Variants in ZFAT observed in about 807,000 individuals in gnomAD.
The protein encoded by ZFAT is zinc finger and AT-hook domain containing, also known as zinc finger protein ZFAT.
In ZFAT, 64 loss-of-function variants were observed where a neutral mutation model predicts 117.7. The observed-to-expected ratio is 0.54, with a 90% CI of 0.44 to 0.67. The LOEUF is 0.67. Among genes scored for constraint, ZFAT ranks in the 30% least tolerant of loss-of-function variants. ZFAT has a pLI of 0.00. For missense variants in ZFAT, 1,433 were observed against 1,584.5 expected, an observed-to-expected ratio of 0.90 and a Z score of 1.62; for synonymous variants, 679 against 615.0, an observed-to-expected ratio of 1.10 and a Z score of -1.54.
At chr8:134,592,790 C>T (rs1024801957) in intron 7 of ZFAT, among the ~76,000 whole-genome samples, 14 of 152,122 alleles carry the variant, frequency 9.2e-5, no homozygotes, top group Admixed American at 9.2e-4. Flanking sequence ...CTTTGGTGTT[C>T]CCCAGCGTAC....
chr8:134,493,514 G>C (rs1387168366), intron 15 of ZFAT, among the ~76,000 whole-genome samples: 1 of 152,256 alleles, frequency 6.6e-6, no homozygotes. Context: ...TGTCTCGGCA[G>C]TCTAGGCATT....
chr8:134,744,445 G>A, the ZFAT span, among the ~76,000 whole-genome samples: 9 of 151,802 alleles, frequency 5.9e-5, no homozygotes, highest in Non-Finnish European at 1.2e-4. Flanking sequence ...ACAGGCACCC[G>A]CCACCATGCC....
the ZFAT span, among the ~76,000 whole-genome samples, chr8:134,804,710 T>C: frequency 6.6e-6 from 1 of 152,168 alleles, no homozygotes; most frequent in African/African-American, 2.4e-5. Flanking sequence ...AGACGGCATA[T>C]CCTGTTATTA....
the ZFAT span, among the ~76,000 whole-genome samples, chr8:134,773,984 A>ATTTTTTTTTTTTTTT: frequency 2.2e-4 from 23 of 103,292 alleles, no homozygotes; most frequent in African/African-American, 8.2e-4. Flanking sequence ...TTGAGGATTA[A>ATTTTTTTTTTTTTTT]TTTTTTTTTT....
chr8:134,760,723 G>A, the ZFAT span, among the ~76,000 whole-genome samples: 4 of 152,234 alleles, frequency 2.6e-5, no homozygotes, highest in African/African-American at 9.6e-5. Flanking sequence ...TGTTTTATGT[G>A]TGCAGCATTG....
chr8:134,607,011 G>A (rs565917740), intron 5 of ZFAT, among the ~76,000 whole-genome samples: 27 of 151,966 alleles, frequency 1.8e-4, no homozygotes, highest in African/African-American at 2.4e-4. Context: ...AAATCCTTAC[G>A]CAAAAACATC....
intron 3 of ZFAT, among the ~76,000 whole-genome samples, chr8:134,630,638 T>C (rs1211801978): frequency 6.6e-6 from 1 of 152,210 alleles, no homozygotes; most frequent in Non-Finnish European, 1.5e-5. Flanking sequence ...AAGTCACTTT[T>C]ATAAATTTGA....
chr8:134,746,002 G>A, the ZFAT span, among the ~76,000 whole-genome samples: 1 of 152,124 alleles, frequency 6.6e-6, no homozygotes, highest in Non-Finnish European at 1.5e-5. Flanking sequence ...TGCTCTTCCT[G>A]CTCTCTGGGA....
rs537017092 is a variant in ZFAT, at chr8:134,516,946, T to C, written c.3234+3937A>G. On this transcript the variant is annotated intron_variant, in intron 13 of 15. Transcript: ENST00000377838. ...AAAATAAAGAGTTGATTCTCTAACA[T>C]TCTACAAAGGTGACTGAATTGTTTT... Among the ~76,000 whole-genome samples, 19 of 152,340 alleles carry C rather than the reference T, an allele frequency of 1.2e-4. No individual in the cohort carries two copies. In the South Asian group the frequency reaches 3.7e-3, roughly 30 times the overall value.
intron 12 of ZFAT, among the ~76,000 whole-genome samples, chr8:134,525,434 G>A (rs1820956130): frequency 6.6e-6 from 1 of 152,150 alleles, no homozygotes; most frequent in African/African-American, 2.4e-5. Context: ...TGCTCATTAG[G>A]GTACTCGGGA....
intron 3 of ZFAT, among the ~76,000 whole-genome samples, chr8:134,613,648 CT>C (rs1828512486): frequency 6.6e-6 from 1 of 152,210 alleles, no homozygotes; most frequent in Admixed American, 6.5e-5. Flanking sequence ...CCACCTCCCA[CT>C]CCAGGAACTT....
chr8:134,478,566 C>G lies in ZFAT; in HGVS notation c.3648G>C (p.Glu1216Asp). ...GCACGTAGACGATGAACTCCGAGGC[C>G]TCCCCGCCCTGCGTGTAGACAGTCA... ...ETVTVYTQGG[E>D]ASEFIVYVQE... Residue 1216 changes from glutamate (E) to aspartate (D), a missense_variant, in exon 16 of 16, where the codon GAG becomes GAC. Around this residue, in one of 5 missense-constraint regions of ZFAT, gnomAD observed 503 missense variants for 543.4 expected, o/e 0.93. Coordinates refer to ENST00000377838, the MANE Select transcript of ZFAT (RefSeq NM_020863.4). The surrounding 1 kb of genome is among the most constrained non-coding windows in gnomAD (Gnocchi z 5.2). The G allele has an allele frequency of 6.3e-7, 1 of 1,594,418 alleles. No homozygotes were observed. The highest frequency in any genetic ancestry group is 8.5e-7 in the Non-Finnish European group (1 of 1,171,104).
chr8:134,757,710 A>T, the ZFAT span, among the ~76,000 whole-genome samples: 1 of 152,200 alleles, frequency 6.6e-6, no homozygotes, highest in African/African-American at 2.4e-5. Context: ...AAACAGACTC[A>T]GGATAAGTGG....
At chr8:134,500,480 T>A (rs775637486) in intron 15 of ZFAT, among the ~76,000 whole-genome samples, 37 of 152,346 alleles carry the variant, frequency 2.4e-4, no homozygotes, top group Admixed American at 3.9e-4. Flanking sequence ...TCTCTATGTT[T>A]TCAGACCATT....
At chr8:134,761,655 G>A in the ZFAT span, among the ~76,000 whole-genome samples, 23 of 151,842 alleles carry the variant, frequency 1.5e-4, no homozygotes, top group African/African-American at 2.2e-4. Context: ...AGCCGAGATC[G>A]TGCCACTGCA....
chr8:134,622,065 G>T (rs191005955), intron 3 of ZFAT, among the ~76,000 whole-genome samples: 1 of 152,252 alleles, frequency 6.6e-6, no homozygotes. Flanking sequence ...ACACACAGTA[G>T]GCTTTCAGGA....
At chr8:134,810,884 G>GT in the ZFAT span, among the ~76,000 whole-genome samples, 1 of 152,124 alleles carries the variant, frequency 6.6e-6, no homozygotes, top group Non-Finnish European at 1.5e-5. Context: ...GGCATAATCT[G>GT]TGAGTACAAC....
intron 1 of ZFAT, among the ~76,000 whole-genome samples, chr8:134,669,888 A>G (rs1832463293): frequency 6.6e-6 from 1 of 152,234 alleles, no homozygotes; most frequent in Non-Finnish European, 1.5e-5. Flanking sequence ...CATAGGCTCA[A>G]AATAAAGGGA....
the ZFAT span, among the ~76,000 whole-genome samples, chr8:134,736,519 C>A: frequency 6.6e-6 from 1 of 152,120 alleles, no homozygotes; most frequent in Non-Finnish European, 1.5e-5. Flanking sequence ...TCCACACAGC[C>A]GCACAGAGCA....
Sources: gnomAD v4.1 joint callset for allele counts (sites outside exome capture counted in the v4.1 genomes callset) on GRCh38, gnomAD v4.1.1 for gene constraint, gnomAD v4.1.1 regional missense constraint, Gnocchi (gnomAD v3.1) non-coding constraint, MANE v1.5 for transcripts, NCBI Gene and HGNC (gene_info 2026-07-23, HGNC 2026-07-21) for gene names.